The following EML1 variants were observed in gnomAD, a reference collection of about 807,000 sequenced individuals.
The protein encoded by EML1 is EMAP like 1.
A neutral mutation model predicts 110.4 loss-of-function variants in EML1; 27 were observed. The observed-to-expected ratio is 0.24, with a 90% CI of 0.18 to 0.34. The LOEUF (loss-of-function observed/expected upper bound fraction) is 0.34, where lower values mean the gene tolerates loss of function less well. Among genes scored for constraint, EML1 ranks in the 10% least tolerant of loss-of-function variants. The pLI is 1.00. For missense variants in EML1, 741 were observed against 1,030.9 expected (o/e 0.72, Z 3.85); for synonymous variants, 344 against 385.8 (o/e 0.89, Z 1.27).
chr14:99,846,913 G>C (rs1472223073), intron 1 of EML1, among the ~76,000 whole-genome samples: 1 of 152,166 alleles, frequency 6.6e-6, no homozygotes, highest in Admixed American at 6.5e-5. Flanking sequence ...CAACAGAAAA[G>C]ATTCCTGCTT....
chr14:99,873,769 T>G (rs1258071952), intron 3 of EML1, among the ~76,000 whole-genome samples: 1 of 152,242 alleles, frequency 6.6e-6, no homozygotes, highest in Admixed American at 6.5e-5. Context: ...TGAGCATTTG[T>G]TAATTTAATT....
intron 17 of EML1, among the ~76,000 whole-genome samples, chr14:99,932,605 C>A (rs985974190): frequency 2.7e-5 from 4 of 148,312 alleles, no homozygotes; most frequent in Admixed American, 2.0e-4. Flanking sequence ...TGAGATTGCA[C>A]CATTGCACTC....
intron 1 of EML1, among the ~76,000 whole-genome samples, chr14:99,739,314 C>T (rs375888299): frequency 1.1e-4 from 17 of 152,172 alleles, no homozygotes; most frequent in African/African-American, 2.9e-4. Flanking sequence ...GACGCTAACC[C>T]GGAATAGCTC....
chr14:99,769,825 A>G (rs2057404247), upstream of EML1, among the ~76,000 whole-genome samples: 1 of 152,192 alleles, frequency 6.6e-6, no homozygotes, highest in Non-Finnish European at 1.5e-5. Context: ...CAGCACCAGC[A>G]GATCCTCCTT....
intron 1 of EML1, among the ~76,000 whole-genome samples, chr14:99,823,585 G>A (rs750590587): frequency 2.6e-5 from 4 of 152,082 alleles, no homozygotes; most frequent in South Asian, 2.1e-4. Flanking sequence ...GTGCTAGAAC[G>A]TGTTCATTCT....
At chr14:99,904,567 A>G (rs973353560) in intron 9 of EML1, among the ~76,000 whole-genome samples, 1 of 152,176 alleles carries the variant, frequency 6.6e-6, no homozygotes, top group African/African-American at 2.4e-5. Context: ...TATTACACCA[A>G]TTAATCAAAG....
At chr14:99,768,233 A>G (rs1026902467), upstream of EML1, among the ~76,000 whole-genome samples, 2 of 152,238 alleles carry the variant, frequency 1.3e-5, no homozygotes, top group African/African-American at 4.8e-5. Flanking sequence ...TCCAGCCATT[A>G]CAATGCCACG....
intron 1 of EML1, among the ~76,000 whole-genome samples, chr14:99,747,388 G>A (rs924192850): frequency 1.3e-5 from 2 of 151,950 alleles, no homozygotes; most frequent in Non-Finnish European, 2.9e-5. Context: ...CAGATGTACA[G>A]GGCACATTTG....
chr14:99,771,736 C>G (rs577918929), upstream of EML1, among the ~76,000 whole-genome samples: 3 of 152,258 alleles, frequency 2.0e-5, no homozygotes, highest in African/African-American at 7.2e-5. Flanking sequence ...CACTTGAGTC[C>G]AGGGGATTGA....
chr14:99,920,704 TAAC>T, intron 16 of EML1, 82 bp from the exon 17 acceptor site: 2 of 1,067,652 alleles, frequency 1.9e-6, no homozygotes, highest in South Asian at 3.4e-5. Flanking sequence ...CTTTTATGAT[TAAC>T]AATTTTTATT....
intron 1 of EML1, among the ~76,000 whole-genome samples, chr14:99,777,830 T>C (rs189985928): frequency 6.6e-6 from 1 of 152,296 alleles, no homozygotes. Flanking sequence ...TTGAAACAGG[T>C]TCATGCTCTG....
At chr14:99,882,917 A>C (rs2059412042) in intron 4 of EML1, among the ~76,000 whole-genome samples, 2 of 152,108 alleles carry the variant, frequency 1.3e-5, no homozygotes, top group South Asian at 4.1e-4. Context: ...GGGATCAGAC[A>C]GCCCCGTAGT....
intron 1 of EML1, among the ~76,000 whole-genome samples, chr14:99,844,440 C>T (rs1055944765): frequency 1.3e-5 from 2 of 150,456 alleles, no homozygotes; most frequent in South Asian, 4.2e-4. Context: ...GATCATACCA[C>T]CGCACTCCAG....
At chr14:99,810,016 C>A (rs1221070312) in intron 1 of EML1, among the ~76,000 whole-genome samples, 1 of 152,206 alleles carries the variant, frequency 6.6e-6, no homozygotes, top group Admixed American at 6.5e-5. Context: ...GCGTCTGGTT[C>A]CTGGGTGGTT....
rs575188476 is a variant in EML1 at position 99,891,162 on chromosome 14, G to A, written c.519-37G>A. 4 of 1,613,994 alleles carry A rather than the reference G, an allele frequency of 2.5e-6. No individual in the cohort carries two copies. In the South Asian group the frequency reaches 4.4e-5, roughly 18 times the overall value. ...AAGTGAATGAGATGAAACACCCACA[G>A]CACCCTTTAAAAACTGTTTTTCGTT... On this transcript the variant is annotated intron_variant, in intron 4 of 21. Coordinates refer to ENST00000262233, the MANE Select transcript of EML1 (RefSeq NM_004434.3).
Position 99,905,005 on chromosome 14 carries a change from A to T in EML1, c.1009-2633A>T, listed in dbSNP as rs114621132. 2.0e-5 allele frequency among the ~76,000 whole-genome samples: 3 copies of T among 152,176 alleles called. No individual in the cohort carries two copies. Among genetic ancestry groups the T allele is most frequent in the Non-Finnish European group, 4.4e-5 (3 of 68,034 alleles). On this transcript the variant is annotated intron_variant, in intron 9 of 21. Transcript: ENST00000262233. The surrounding 1 kb of genome is among the most constrained non-coding windows in gnomAD (Gnocchi z 4.1). ...CATTAATCAAAACTTTACAGGAGATAAATAGTGATTTTTACCATTCATTCA... is the reference window on the plus strand; with the variant it reads ...CATTAATCAAAACTTTACAGGAGATTAATAGTGATTTTTACCATTCATTCA...
At chr14:99,901,346 T>C (rs1195422259) in intron 9 of EML1, among the ~76,000 whole-genome samples, 1 of 152,180 alleles carries the variant, frequency 6.6e-6, no homozygotes, top group Non-Finnish European at 1.5e-5. Context: ...GAATTTCACC[T>C]GCTTCTTTCA....
At chr14:99,842,881 T>C (rs1289057874) in intron 1 of EML1, among the ~76,000 whole-genome samples, 1 of 152,208 alleles carries the variant, frequency 6.6e-6, no homozygotes, top group Non-Finnish European at 1.5e-5. Flanking sequence ...ATAAATGTGC[T>C]TGAGTCCCAG....
intron 1 of EML1, among the ~76,000 whole-genome samples, chr14:99,743,439 C>T (rs576742050): frequency 1.2e-4 from 19 of 152,284 alleles, no homozygotes; most frequent in Non-Finnish European, 2.6e-4. Context: ...ACAGAAGTTA[C>T]GAGCTGTGGG....
Sources: allele counts gnomAD v4.1 joint callset (sites outside exome capture counted in the v4.1 genomes callset), GRCh38; gene constraint gnomAD v4.1.1; non-coding constraint Gnocchi (gnomAD v3.1); transcripts MANE v1.5; gene names NCBI Gene and HGNC (gene_info 2026-07-23, HGNC 2026-07-21).